Variants in SNRPN observed in about 807,000 individuals in gnomAD.
SNRPN encodes the protein small nuclear ribonucleoprotein-associated protein N.
SNRPN carries 7 observed loss-of-function variants against 25.2 expected under a neutral mutation model. The ratio of observed to expected loss-of-function variants is 0.28; its 90% CI spans 0.16 to 0.52. The LOEUF (loss-of-function observed/expected upper bound fraction) is 0.52. SNRPN is among the 20% of genes least tolerant of loss of function. SNRPN has a pLI of 0.96. For missense variants in SNRPN, 196 were observed against 322.5 expected, an observed-to-expected ratio of 0.61 and a Z score of 3.00; for synonymous variants, 124 against 110.6, an observed-to-expected ratio of 1.12 and a Z score of -0.76.
Position 24,955,061 on chromosome 15 carries a change from A to C in SNRPN, c.-392A>C, listed in dbSNP as rs760436951. 6.2e-7 allele frequency: 1 copy of C among 1,613,478 alleles called. No individual in the cohort carries two copies. The highest frequency in any genetic ancestry group is 1.7e-5 in the Admixed American group (1 of 60,028). On this transcript the variant is annotated splice_region_variant and 5_prime_UTR_variant, in exon 1 of 10. Transcript: ENST00000390687. ...GGTCAGTGACGCGATGGAGCGGGCA[A>C]GGTCAGCTGTGCCGGTGGCTTCTCT...
upstream of SNRPN, among the ~76,000 whole-genome samples, chr15:24,854,415 C>G (rs1038271702): frequency 2.5e-4 from 38 of 152,122 alleles, no homozygotes; most frequent in African/African-American, 8.2e-4. Context: ...ATAAGGAAGA[C>G]AAATGGAGAA....
At chr15:24,885,334 G>T (rs760965744) in intron 1 of SNRPN, among the ~76,000 whole-genome samples, 17 of 152,092 alleles carry the variant, frequency 1.1e-4, no homozygotes, top group Non-Finnish European at 1.8e-4. Flanking sequence ...CATTACTTTG[G>T]CTCTAACCAG....
intron 3 of SNRPN, among the ~76,000 whole-genome samples, chr15:24,925,719 T>C (rs1257879901): frequency 6.7e-6 from 1 of 150,256 alleles, no homozygotes; most frequent in Non-Finnish European, 1.5e-5. Context: ...GCTGGGACCA[T>C]AGGTGCATAC....
intron 3 of SNRPN, chr15:24,921,399 T>C (rs909585008): frequency 6.6e-6 from 1 of 152,152 alleles, no homozygotes; most frequent in Non-Finnish European, 1.5e-5. Context: ...AACATGTTTG[T>C]CTGCATTCAA....
At chr15:24,889,572 T>C (rs2057482333) in intron 2 of SNRPN, among the ~76,000 whole-genome samples, 2 of 151,704 alleles carry the variant, frequency 1.3e-5, no homozygotes, top group African/African-American at 2.4e-5. Flanking sequence ...CCCAAAGTGC[T>C]GGGATTACAG....
intron 2 of SNRPN, among the ~76,000 whole-genome samples, chr15:24,919,274 A>C (rs1182548119): frequency 1.3e-5 from 2 of 151,602 alleles, no homozygotes; most frequent in Non-Finnish European, 2.9e-5. Context: ...CTAAAAATAC[A>C]CAAAAAATTA....
chr15:24,967,808 GAAAAAAAA>G (rs35146696), intron 2 of SNRPN, 116 bp from the exon 3 acceptor site: 265 of 491,964 alleles, frequency 5.4e-4, no homozygotes, highest in East Asian at 3.0e-3. Flanking sequence ...ACCCTGTCTG[GAAAAAAAA>G]AAAAAAAAAA....
Position 24,929,329 on chromosome 15 carries a change from T to C in SNRPN, c.-391+9205T>C, listed in dbSNP as rs1348823032. Among the ~76,000 whole-genome samples, 2 of 152,202 alleles carry C rather than the reference T, an allele frequency of 1.3e-5. No homozygotes were observed. The highest frequency in any genetic ancestry group is 1.9e-4 in the East Asian group (1 of 5,186). On this transcript the variant is annotated intron_variant, in intron 3 of 11. Transcript: ENST00000400097. This position sits in a 1 kb window ranked among gnomAD's most constrained non-coding sequence, Gnocchi z 5.3. ...AGTGTCACCCCATTTCTGTTTCATCTCTTTCCCTACTCTCCCCCTTGCCTC... is the reference window on the plus strand; with the variant it reads ...AGTGTCACCCCATTTCTGTTTCATCCCTTTCCCTACTCTCCCCCTTGCCTC...
chr15:24,897,396 T>C (rs1344406892), intron 2 of SNRPN, among the ~76,000 whole-genome samples: 1 of 152,168 alleles, frequency 6.6e-6, no homozygotes, highest in East Asian at 1.9e-4. Flanking sequence ...GAGACTAGCC[T>C]GAGCAACGTA....
rs1235663275 is a variant in SNRPN, at chr15:24,832,679, G to A, written c.-579+2774G>A. On this transcript the variant is annotated intron_variant, in intron 2 of 12. Coordinates refer to the SNRPN transcript ENST00000400100. Reference sequence around the variant, plus strand: ...GCTCTTCACAATAAGCCTTGCTACCGGTCACTCTTTGGGTCCATGGCATCT... The same window carrying A: ...GCTCTTCACAATAAGCCTTGCTACCAGTCACTCTTTGGGTCCATGGCATCT... Among the ~76,000 whole-genome samples, 7 of 151,936 alleles carry A rather than the reference G, an allele frequency of 4.6e-5. 1 individual carries two copies. Among genetic ancestry groups the A allele is most frequent in the African/African-American group, 9.7e-5 (4 of 41,270 alleles).
intron 1 of SNRPN, among the ~76,000 whole-genome samples, chr15:24,882,811 G>A (rs1250528322): frequency 5.1e-5 from 5 of 97,198 alleles, no homozygotes; most frequent in Admixed American, 2.7e-4. Flanking sequence ...GCGACAGAGC[G>A]AGACTCCATC....
At chr15:24,833,628 A>C (rs1020447840) in intron 2 of SNRPN, among the ~76,000 whole-genome samples, 1 of 152,108 alleles carries the variant, frequency 6.6e-6, no homozygotes, top group East Asian at 1.9e-4. Context: ...ATCTGTTTTC[A>C]TAGAGGAAGA....
upstream of SNRPN, among the ~76,000 whole-genome samples, chr15:24,951,757 C>A (rs569114057): frequency 6.6e-6 from 1 of 152,178 alleles, no homozygotes; most frequent in Non-Finnish European, 1.5e-5. Context: ...ATCTGCCTGC[C>A]TCAGTCTCCC....
At chr15:24,837,595 T>G (rs1328447486) in intron 2 of SNRPN, among the ~76,000 whole-genome samples, 1 of 151,906 alleles carries the variant, frequency 6.6e-6, no homozygotes, top group East Asian at 1.9e-4. Flanking sequence ...GGTCTCGATC[T>G]CCTGACTTCG....
upstream of SNRPN, among the ~76,000 whole-genome samples, chr15:24,855,597 C>T (rs1488425887): frequency 6.6e-6 from 1 of 151,964 alleles, no homozygotes; most frequent in Admixed American, 6.6e-5. Flanking sequence ...TGAGACCAGC[C>T]TGGCCAATGT....
At chr15:24,977,122 A>G (rs2077146483) in intron 7 of SNRPN, 93 bp downstream of exon 7, 1 of 990,990 alleles carries the variant, frequency 1.0e-6, no homozygotes, top group South Asian at 2.0e-5. Context: ...TGTGTCATAC[A>G]ATGTAAACAG....
chr15:24,885,029 G>C (rs113713025), intron 1 of SNRPN, among the ~76,000 whole-genome samples: 181 of 152,296 alleles, frequency 1.2e-3, no homozygotes, highest in African/African-American at 4.2e-3. Context: ...AAACTAAGCT[G>C]TGTCTACGTG....
chr15:24,853,398 A>ATT (rs113742775), upstream of SNRPN, among the ~76,000 whole-genome samples: 3 of 144,128 alleles, frequency 2.1e-5, no homozygotes, highest in Non-Finnish European at 4.6e-5. Context: ...AAGTTGTCTG[A>ATT]TTTTTTTTTT....
intron 3 of SNRPN, chr15:24,968,826 T>C (rs1189234801): frequency 6.6e-6 from 1 of 152,220 alleles, no homozygotes; most frequent in Non-Finnish European, 1.5e-5. Flanking sequence ...TCATAATTTT[T>C]CAATGTGATG....
Sources: gnomAD v4.1 joint callset for allele counts (sites outside exome capture counted in the v4.1 genomes callset) on GRCh38, gnomAD v4.1.1 for gene constraint, Gnocchi (gnomAD v3.1) non-coding constraint, MANE v1.5 for transcripts, NCBI Gene and HGNC (gene_info 2026-07-23, HGNC 2026-07-21) for gene names.